Variants in TRPM3 observed in about 807,000 individuals in gnomAD.
The protein encoded by TRPM3 is transient receptor potential cation channel subfamily M member 3, also known as long transient receptor potential channel 3.
In TRPM3, 77 loss-of-function variants were observed where a neutral mutation model predicts 181.2. The observed-to-expected ratio is 0.42, with a 90% CI of 0.35 to 0.51. The LOEUF (loss-of-function observed/expected upper bound fraction) is 0.51. Among genes scored for constraint, TRPM3 ranks in the 20% least tolerant of loss-of-function variants. The probability of loss-of-function intolerance (pLI) is 0.01; values close to 1 mark genes in which losing one functional copy is unlikely to be tolerated. For missense variants in TRPM3, 1,759 were observed against 2,196.7 expected, an observed-to-expected ratio of 0.80 and a Z score of 3.98; for synonymous variants, 745 against 796.4, an observed-to-expected ratio of 0.94 and a Z score of 1.09.
intron 6 of TRPM3, among the ~76,000 whole-genome samples, chr9:70,801,283 T>C (rs1291679455): frequency 6.6e-6 from 1 of 152,210 alleles, no homozygotes; most frequent in Non-Finnish European, 1.5e-5. Flanking sequence ...CATTGCTTCT[T>C]GTCTTTCTGG....
chr9:71,158,585 A>T (rs1228247531), intron 1 of TRPM3, among the ~76,000 whole-genome samples: 1 of 152,134 alleles, frequency 6.6e-6, no homozygotes, highest in Admixed American at 6.6e-5. Flanking sequence ...CACTTGGGAA[A>T]AATTATTTAA....
intron 1 of TRPM3, among the ~76,000 whole-genome samples, chr9:70,879,666 A>G (rs1589483706): frequency 6.6e-6 from 1 of 152,110 alleles, no homozygotes; most frequent in Non-Finnish European, 1.5e-5. Flanking sequence ...AAAATAATAG[A>G]TATTATACAG....
chr9:71,358,662 C>T (rs17056734), intron 1 of TRPM3, among the ~76,000 whole-genome samples: 2,051 of 152,186 alleles, frequency 0.013, 40 homozygotes, highest in African/African-American at 0.045. Context: ...AAGAACAGAA[C>T]AGAAGGTGTA....
intron 1 of TRPM3, among the ~76,000 whole-genome samples, chr9:71,385,930 C>T (rs1009436046): frequency 1.3e-5 from 2 of 151,598 alleles, no homozygotes; most frequent in African/African-American, 4.8e-5. Context: ...TGGTCTCAAA[C>T]TCCTGACCTC....
intron 1 of TRPM3, among the ~76,000 whole-genome samples, chr9:71,357,833 CT>C (rs2091969524): frequency 6.6e-6 from 1 of 151,930 alleles, no homozygotes; most frequent in Admixed American, 6.6e-5. Flanking sequence ...AGTTCCAAAG[CT>C]TTTCCTATGA....
chr9:70,810,185 T>C (rs2131388706), intron 6 of TRPM3: 1 of 430,858 alleles, frequency 2.3e-6, no homozygotes, highest in Non-Finnish European at 4.8e-6. Context: ...TCTGCTTGCC[T>C]CCACCCCCAC....
chr9:70,615,827 T>C, intron 18 of TRPM3, 81 bp downstream of exon 18: 1 of 1,386,422 alleles, frequency 7.2e-7, no homozygotes, highest in South Asian at 1.5e-5. Context: ...ACCTAAGGAG[T>C]TACTGAATCT....
intron 1 of TRPM3, among the ~76,000 whole-genome samples, chr9:71,057,555 A>C (rs2060805210): frequency 6.6e-6 from 1 of 152,068 alleles, no homozygotes; most frequent in African/African-American, 2.4e-5. Context: ...ATTGCTATTT[A>C]AAGAGTGCCT....
intron 1 of TRPM3, among the ~76,000 whole-genome samples, chr9:70,979,474 G>A (rs1482751200): frequency 1.3e-5 from 2 of 152,146 alleles, no homozygotes; most frequent in African/African-American, 2.4e-5. Context: ...AGGAAAACAC[G>A]CAGAAGTCAT....
At chr9:71,257,687 C>T (rs1384939791) in intron 1 of TRPM3, among the ~76,000 whole-genome samples, 1 of 152,128 alleles carries the variant, frequency 6.6e-6, no homozygotes, top group Non-Finnish European at 1.5e-5. Context: ...GAGGAAAATA[C>T]CTTCTTAAAA....
In TRPM3 at chr9:70,601,165, C is replaced by T. The variant is rs2132710986; in HGVS notation, c.2796+2177G>A. ...AAAACCCTGAGTCTCAGTTCCCAGA[C>T]CTGTGCAGTGGGACGTCATCATAGT... On this transcript the variant is annotated intron_variant, in intron 20 of 25. Transcript: ENST00000677713. 1.3e-5 allele frequency among the ~76,000 whole-genome samples: 2 copies of T among 152,238 alleles called. 1 individual carries two copies. The highest frequency in any genetic ancestry group is 1.3e-4 in the Admixed American group (2 of 15,286).
intron 1 of TRPM3, among the ~76,000 whole-genome samples, chr9:70,987,503 G>T (rs1165331416): frequency 6.6e-6 from 1 of 151,954 alleles, no homozygotes; most frequent in Non-Finnish European, 1.5e-5. Flanking sequence ...TTTTTCCTAA[G>T]GTCTCTAAAA....
At chr9:70,956,278 C>T (rs1373684775) in intron 1 of TRPM3, among the ~76,000 whole-genome samples, 2 of 141,410 alleles carry the variant, frequency 1.4e-5, no homozygotes, top group Non-Finnish European at 3.0e-5. Flanking sequence ...AGCCTCATCT[C>T]TACCAGGAGA....
At chr9:70,654,686 G>GTT (rs112874508) in intron 9 of TRPM3, among the ~76,000 whole-genome samples, 52,158 of 141,998 alleles carry the variant, frequency 0.37, 10,116 homozygotes, top group East Asian at 0.54. Flanking sequence ...GCACTCTGTA[G>GTT]TTTTTTTTTT....
intron 1 of TRPM3, among the ~76,000 whole-genome samples, chr9:71,294,504 G>C (rs1256684878): frequency 6.6e-6 from 1 of 152,082 alleles, no homozygotes; most frequent in South Asian, 2.1e-4. Context: ...AAAGCTCCAT[G>C]AATTTTTATG....
intron 1 of TRPM3, among the ~76,000 whole-genome samples, chr9:71,422,952 A>G (rs2093803690): frequency 6.6e-6 from 1 of 152,030 alleles, no homozygotes. Context: ...CACTCATATC[A>G]CCACATCAAG....
chr9:70,847,841 TA>T (rs1434134381), intron 3 of TRPM3, among the ~76,000 whole-genome samples: 1 of 152,188 alleles, frequency 6.6e-6, no homozygotes, highest in African/African-American at 2.4e-5. Context: ...AAGCAGTGTT[TA>T]ATATGTTAAA....
chr9:71,308,067 T>C (rs949881009), intron 1 of TRPM3, among the ~76,000 whole-genome samples: 3 of 151,586 alleles, frequency 2.0e-5, no homozygotes, highest in African/African-American at 4.8e-5. Flanking sequence ...ATTTCCTGGG[T>C]TCAAGTGATT....
At chr9:71,142,797 T>A (rs887311951) in intron 1 of TRPM3, among the ~76,000 whole-genome samples, 1 of 124,510 alleles carries the variant, frequency 8.0e-6, no homozygotes, top group East Asian at 2.3e-4. Context: ...GTACTGTAAA[T>A]AGTACACAGT....
Sources: gnomAD v4.1 joint callset for allele counts (sites outside exome capture counted in the v4.1 genomes callset) on GRCh38, gnomAD v4.1.1 for gene constraint, MANE v1.5 for transcripts, NCBI Gene and HGNC (gene_info 2026-07-23, HGNC 2026-07-21) for gene names.